RGS22: variants seen among roughly 807,000 people sequenced by gnomAD.
RGS22 encodes regulator of G protein signaling 22, also known as regulator of G-protein signaling 22.
RGS22 carries 148 observed loss-of-function variants against 172.9 expected under a neutral mutation model. The observed-to-expected ratio is 0.86, with a 90% CI of 0.75 to 0.98. RGS22 has a LOEUF of 0.98. Among genes scored for constraint, RGS22 ranks in the 50% least tolerant of loss-of-function variants. RGS22 has a pLI of 0.00. For synonymous variants in RGS22, 458 were observed against 480.2 expected (o/e 0.95, Z 0.60); for missense variants, 1,347 against 1,440.8 (o/e 0.93, Z 1.05).
intron 10 of RGS22, 81 bp from the exon 11 acceptor site, chr8:100,047,677 A>C: frequency 6.6e-4 from 831 of 1,257,034 alleles, no homozygotes; most frequent in Non-Finnish European, 7.8e-4. Flanking sequence ...ATTTGTTCTC[A>C]TCACTCGAGT....
chr8:100,032,732 T>C (rs1290177264), intron 14 of RGS22, among the ~76,000 whole-genome samples: 4 of 152,056 alleles, frequency 2.6e-5, no homozygotes, highest in African/African-American at 9.7e-5. Context: ...CAGCACCACA[T>C]AGCACTTATT....
At chr8:100,018,429 G>GAC (rs35311553) in intron 14 of RGS22, among the ~76,000 whole-genome samples, 84 of 150,886 alleles carry the variant, frequency 5.6e-4, no homozygotes, top group East Asian at 1.6e-3. Flanking sequence ...AATAAATGAA[G>GAC]ACACACACAC....
At chr8:100,056,438 G>A (rs1183403724) in intron 9 of RGS22, among the ~76,000 whole-genome samples, 1 of 152,198 alleles carries the variant, frequency 6.6e-6, no homozygotes, top group Non-Finnish European at 1.5e-5. Context: ...AATGTCTCCA[G>A]GGCATGTCAG....
chr8:100,005,959 A>G, intron 16 of RGS22, 58 bp downstream of exon 16: 1 of 1,284,902 alleles, frequency 7.8e-7, no homozygotes, highest in Non-Finnish European at 1.1e-6. Context: ...CCCATACATA[A>G]AGTGGTAACC....
intron 20 of RGS22, among the ~76,000 whole-genome samples, chr8:99,990,490 G>A (rs1441652346): frequency 6.6e-6 from 1 of 152,094 alleles, no homozygotes; most frequent in African/African-American, 2.4e-5. Flanking sequence ...TTAGCTGAAC[G>A]AAGGAAAAGT....
intron 2 of RGS22, among the ~76,000 whole-genome samples, chr8:100,099,957 G>A (rs1813330975): frequency 6.6e-6 from 1 of 152,066 alleles, no homozygotes; most frequent in South Asian, 2.1e-4. Flanking sequence ...ACCCAATTAT[G>A]TGTAATTTAA....
intron 3 of RGS22, among the ~76,000 whole-genome samples, chr8:100,083,830 CTTT>C (rs59603032): frequency 6.7e-4 from 85 of 126,030 alleles, no homozygotes; most frequent in Admixed American, 6.5e-4. Flanking sequence ...AATTTCTTTT[CTTT>C]TTTTTTTTTT....
intron 9 of RGS22, among the ~76,000 whole-genome samples, chr8:100,053,835 C>A (rs1821964935): frequency 6.6e-6 from 1 of 152,036 alleles, no homozygotes; most frequent in Non-Finnish European, 1.5e-5. Context: ...CAGGTTTCAC[C>A]ATGTTAGCCA....
chr8:100,029,926 T>C (rs2131528403), intron 14 of RGS22, among the ~76,000 whole-genome samples: 1 of 152,232 alleles, frequency 6.6e-6, no homozygotes, highest in Middle Eastern at 3.4e-3. Context: ...ATGATTTAAC[T>C]CAATGGGTAA....
chr8:100,095,968 G>C (rs1304120438), intron 2 of RGS22, among the ~76,000 whole-genome samples: 1 of 152,194 alleles, frequency 6.6e-6, no homozygotes, highest in African/African-American at 2.4e-5. Context: ...TGGCACCTGA[G>C]TGGAAAGGCT....
intron 3 of RGS22, among the ~76,000 whole-genome samples, chr8:100,083,830 C>CTTTTTTTTTTTTTTT (rs59603032): frequency 1.3e-4 from 16 of 126,042 alleles, no homozygotes; most frequent in South Asian, 2.5e-4. Flanking sequence ...AATTTCTTTT[C>CTTTTTTTTTTTTTTT]TTTTTTTTTT....
intron 21 of RGS22, among the ~76,000 whole-genome samples, chr8:99,983,112 C>T (rs1203995669): frequency 1.3e-5 from 2 of 152,116 alleles, no homozygotes; most frequent in Non-Finnish European, 1.5e-5. Flanking sequence ...CCAGCTCCAC[C>T]CACACTGCTG....
At chr8:100,049,160 G>A (rs2131652718) in intron 10 of RGS22, among the ~76,000 whole-genome samples, 1 of 152,274 alleles carries the variant, frequency 6.6e-6, no homozygotes, top group Non-Finnish European at 1.5e-5. Flanking sequence ...GCCTGAGGAA[G>A]GGTCACAGTG....
At chr8:100,007,344 A>T (rs766605117) in intron 15 of RGS22, among the ~76,000 whole-genome samples, 3 of 152,170 alleles carry the variant, frequency 2.0e-5, no homozygotes, top group Non-Finnish European at 2.9e-5. Flanking sequence ...TTGTGATTCA[A>T]AGTAAATATT....
intron 11 of RGS22, among the ~76,000 whole-genome samples, chr8:100,044,726 T>C (rs1820535119): frequency 6.6e-6 from 1 of 151,718 alleles, no homozygotes; most frequent in Non-Finnish European, 1.5e-5. Context: ...TCTCACTATA[T>C]ACTGCTCCTT....
chr8:100,003,330 T>A (rs1423411438), intron 17 of RGS22, among the ~76,000 whole-genome samples: 2 of 151,248 alleles, frequency 1.3e-5, no homozygotes, highest in African/African-American at 4.9e-5. Flanking sequence ...AAATAAAAAA[T>A]AAAAAGATAG....
chr8:100,099,499 A>G (rs1813295272), intron 2 of RGS22, among the ~76,000 whole-genome samples: 1 of 152,130 alleles, frequency 6.6e-6, no homozygotes, highest in Admixed American at 6.5e-5. Flanking sequence ...TTATCCTTTT[A>G]CTGTTTCATA....
chr8:100,009,910 A>G (rs1370974832), intron 14 of RGS22, among the ~76,000 whole-genome samples: 1 of 152,232 alleles, frequency 6.6e-6, no homozygotes, highest in Admixed American at 6.5e-5. Context: ...TATTCTGAAG[A>G]AGCCAATTTG....
At position 100,025,390 on chromosome 8, in the gene RGS22, C is replaced by A. The variant is rs149306702; in HGVS notation, c.2166+13541G>T. ...CAGAAACAACCTAATTGTGAAGACACCAAAATTTACCATAAAGCTATAAAG... is the reference window on the plus strand; with the variant it reads ...CAGAAACAACCTAATTGTGAAGACAACAAAATTTACCATAAAGCTATAAAG... On this transcript the variant is annotated intron_variant, in intron 14 of 27. Transcript: ENST00000360863. Among the ~76,000 whole-genome samples the A allele has an allele frequency of 3.1e-3, 477 of 152,238 alleles. 3 individuals are homozygous for A. Among genetic ancestry groups the A allele is most frequent in the Non-Finnish European group, 5.6e-3 (384 of 68,014 alleles).
Sources: gnomAD v4.1 joint callset for allele counts (sites outside exome capture counted in the v4.1 genomes callset) on GRCh38, gnomAD v4.1.1 for gene constraint, MANE v1.5 for transcripts, NCBI Gene and HGNC (gene_info 2026-07-23, HGNC 2026-07-21) for gene names.